Variants in TFRC observed in about 807,000 individuals in gnomAD.
TFRC encodes transferrin receptor, also known as transferrin receptor protein 1.
A neutral mutation model predicts 85.8 loss-of-function variants in TFRC; 35 were observed. The observed-to-expected ratio is 0.41, with a 90% CI of 0.31 to 0.54. The LOEUF (loss-of-function observed/expected upper bound fraction) is 0.54. Ranked by LOEUF, TFRC falls within the 20% of genes least tolerant of loss-of-function variation. TFRC has a pLI of 0.31. For synonymous variants in TFRC, 362 were observed against 328.6 expected, an observed-to-expected ratio of 1.10 and a Z score of -1.10; for missense variants, 828 against 921.5, an observed-to-expected ratio of 0.90 and a Z score of 1.31.
rs58386151 is a variant in TFRC, at chr3:196,070,774, A to AAATAATAATAATAATAATAAT, written c.687+601_687+621dup. On this transcript the variant is annotated intron_variant, in intron 6 of 18. Coordinates refer to ENST00000360110, the MANE Select transcript of TFRC (RefSeq NM_001128148.3). The stretch of plus-strand genomic sequence containing the variant: ...AACATGGCAAAACCCTGTCTCTACC[A>AAATAATAATAATAATAATAAT]AATAATAATAATAATAATAATAATA... 8.4e-3 allele frequency among the ~76,000 whole-genome samples: 1,147 copies of AAATAATAATAATAATAATAAT among 135,778 alleles called. 9 individuals carry two copies. The highest frequency in any genetic ancestry group is 0.013 in the South Asian group (55 of 4,106). 89.1% of individuals were successfully genotyped at this position (135,778 alleles called of 152,430 possible).
Position 196,051,764 on chromosome 3 carries a change from A to C in TFRC, c.*178T>G, listed in dbSNP as rs1716328418. ...TAAGTGGTTATTCACTTTAACTTGA[A>C]GTACAGGTTATCTACCCTGTATTAA... is the stretch of plus-strand genomic sequence containing the variant. On this transcript the variant is annotated 3_prime_UTR_variant, in exon 19 of 19. Coordinates refer to ENST00000360110, the MANE Select transcript of TFRC (RefSeq NM_001128148.3). The C allele has an allele frequency of 9.6e-6, 6 of 625,564 alleles. No homozygotes were observed. Among genetic ancestry groups the C allele is most frequent in the Non-Finnish European group, 1.1e-5 (4 of 374,394 alleles). The allele number at this position is 625,564 out of a possible 1,614,324, so 38.8% of individuals were successfully genotyped here.
intron 5 of TFRC, 87 bp downstream of exon 5, chr3:196,071,916 A>G: frequency 6.8e-7 from 1 of 1,466,108 alleles, no homozygotes; most frequent in Non-Finnish European, 9.2e-7. Flanking sequence ...AAAAAAGCCA[A>G]CAACACTAAC....
chr3:196,081,778 A>AAGGGACGAGAGGCGC (rs1719207508), intron 1 of TFRC: 2 of 152,448 alleles, frequency 1.3e-5, no homozygotes, highest in African/African-American at 2.4e-5. Context: ...ACGAGAGGCG[A>AAGGGACGAGAGGCGC]AGGGACGAGA....
chr3:196,055,273 G>C lies in TFRC; in HGVS notation c.1706C>G (p.Thr569Ser), dbSNP rs757696465. The C allele has an allele frequency of 3.7e-6, 6 of 1,614,208 alleles. No homozygotes were observed. The East Asian group carries it at 1.3e-4, about 36-fold the overall frequency. The change falls in exon 17 of 19, where the codon ACC becomes AGC. Residue 569 changes from threonine to serine, a missense_variant. Physicochemically the swap from Thr to Ser is moderately conservative, Grantham distance 58 (BLOSUM62 1). Transcript: ENST00000360110. ...AATCAGTTCCTTATAGGTGTCCATG[G>C]TGGTACCCAAATAAGGATAATCTGT... ...EDTDYPYLGT[T>S]MDTYKELIER...
At chr3:196,064,172 C>A (rs41295881) in intron 11 of TFRC, 137 bp downstream of exon 11, 27 of 945,446 alleles carry the variant, frequency 2.9e-5, no homozygotes, top group East Asian at 1.2e-4. Context: ...CAACAAAAGA[C>A]AATCTGCCTT....
intron 6 of TFRC, chr3:196,069,827 T>TA (rs1718041676): frequency 9.3e-6 from 3 of 324,120 alleles, no homozygotes. Context: ...GAAGGGCATT[T>TA]AGATTAAAGA....
chr3:196,068,472 G>A (rs1006500351), intron 7 of TFRC, among the ~76,000 whole-genome samples: 9 of 151,316 alleles, frequency 5.9e-5, no homozygotes, highest in African/African-American at 1.9e-4. Context: ...TTAACTGGGC[G>A]CAGTGGCTGG....
At chr3:196,074,334 A>C (rs1223815163) in intron 3 of TFRC, 2 of 407,364 alleles carry the variant, frequency 4.9e-6, no homozygotes, top group Non-Finnish European at 8.6e-6. Context: ...TACCTATTCA[A>C]AACATAGGTA....
At chr3:196,065,920 C>T (rs979703775) in intron 9 of TFRC, among the ~76,000 whole-genome samples, 12 of 150,996 alleles carry the variant, frequency 7.9e-5, no homozygotes, top group Non-Finnish European at 1.8e-4. Context: ...ACCTGGGAGG[C>T]GGAGGCTGCA....
chr3:196,058,172 T>TA (rs1716970809), intron 16 of TFRC, 112 bp downstream of exon 16: 1 of 818,116 alleles, frequency 1.2e-6, no homozygotes, highest in Non-Finnish European at 2.0e-6. Context: ...TCTGAATATG[T>TA]ACATAGTTGA....
Position 196,050,034 on chromosome 3 carries a change from G to C in TFRC, c.*1908C>G, listed in dbSNP as rs1262035059. On this transcript the variant is annotated 3_prime_UTR_variant, in exon 19 of 19. Transcript: ENST00000360110. ...ACATTTAATTGATCACCACGAATGG[G>C]TAGGCAGACGTGTCAGACCTTCAGG... 2 of 231,280 alleles carry C rather than the reference G, an allele frequency of 8.6e-6. No homozygotes were observed. The highest frequency in any genetic ancestry group is 1.7e-5 in the Non-Finnish European group (2 of 116,904). The allele number at this position is 231,280 out of a possible 1,614,324, so 14.3% of individuals were successfully genotyped here.
At chr3:196,057,800 AAAAC>A (rs1198560052) in intron 16 of TFRC, among the ~76,000 whole-genome samples, 2 of 147,846 alleles carry the variant, frequency 1.4e-5, no homozygotes, top group Non-Finnish European at 3.0e-5. Context: ...AAAAAAAAAC[AAAAC>A]AAAAAACAAA....
At chr3:196,064,658 C>T (rs111771170) in intron 10 of TFRC, among the ~76,000 whole-genome samples, 1 of 152,194 alleles carries the variant, frequency 6.6e-6, no homozygotes, top group African/African-American at 2.4e-5. Flanking sequence ...AATTTACTGA[C>T]TACTTAAGTC....
rs1426748867 is a variant in TFRC, at chr3:196,055,095, G to A, written c.1884C>T (p.Tyr628=). ...CAGTGCTCACCTTTATGTCTGCTCTGTATTGGTTCAGATCCCTCACAAATG... is the reference window on the plus strand; with the variant it reads ...CAGTGCTCACCTTTATGTCTGCTCTATATTGGTTCAGATCCCTCACAAATG... ...LLSFVRDLNQ[Y]RADIKEMGLS... is the part of the protein sequence containing the mutation. The change falls in exon 17 of 19, where the codon TAC becomes TAT. Residue 628 remains tyrosine (Y), a synonymous_variant. Transcript: ENST00000360110. 3.1e-6 allele frequency: 5 copies of A among 1,614,126 alleles called. No homozygotes were observed. In the South Asian group the frequency reaches 4.4e-5, roughly 14 times the overall value.
At chr3:196,072,290 T>C (rs1287942837) in intron 4 of TFRC, 138 bp from the exon 5 acceptor site, 7 of 1,180,660 alleles carry the variant, frequency 5.9e-6, no homozygotes, top group African/African-American at 1.6e-5. Flanking sequence ...CCAAAACTTC[T>C]AGACTGACCA....
At chr3:196,052,207 A>T in intron 18 of TFRC, 23 bp from the exon 19 acceptor site, 1 of 1,610,182 alleles carries the variant, frequency 6.2e-7, no homozygotes, top group South Asian at 1.1e-5. Context: ...CACACAAGGC[A>T]ATTTACACAG....
chr3:196,052,849 A>G (rs1435506124), intron 18 of TFRC, among the ~76,000 whole-genome samples: 1 of 152,118 alleles, frequency 6.6e-6, no homozygotes, highest in East Asian at 1.9e-4. Context: ...ACAGCGGCTC[A>G]CGCTTGTAAT....
At position 196,072,823 on chromosome 3, in the gene TFRC, G is replaced by A. The variant is rs1008053474; in HGVS notation, c.435-671C>T. The A allele has an allele frequency of 1.4e-4, 22 of 152,034 alleles. 1 individual carries two copies. The highest frequency in any genetic ancestry group is 1.2e-3 in the Admixed American group (19 of 15,274). The allele number at this position is 152,034 out of a possible 1,614,324, so 9.4% of individuals were successfully genotyped here. ...AGATAGTAAAACTCTATGGACAAGT[G>A]TTACAGCTCTTTTAGAATTTGTCTA... is the stretch of plus-strand genomic sequence containing the variant. On this transcript the variant is annotated intron_variant, in intron 4 of 18. Coordinates refer to ENST00000360110, the MANE Select transcript of TFRC (RefSeq NM_001128148.3).
intron 11 of TFRC, 39 bp from the exon 12 acceptor site, chr3:196,062,978 T>G: frequency 2.6e-6 from 4 of 1,546,954 alleles, no homozygotes; most frequent in Non-Finnish European, 3.6e-6. Flanking sequence ...GAGGAAAGGT[T>G]ATACACAGAC....
Sources: gnomAD v4.1 joint callset for allele counts (sites outside exome capture counted in the v4.1 genomes callset) on GRCh38, gnomAD v4.1.1 for gene constraint, MANE v1.5 for transcripts, NCBI Gene and HGNC (gene_info 2026-07-23, HGNC 2026-07-21) for gene names.